Variants in TPRN observed in about 807,000 individuals in gnomAD.
TPRN encodes the protein taperin, also known as chromosome 9 open reading frame 75.
Under a neutral mutation model 42.6 loss-of-function variants are expected in TPRN, and 32 were observed. The ratio of observed to expected loss-of-function variants is 0.75; its 90% CI spans 0.57 to 1.01. TPRN has a LOEUF of 1.01. Ranked by LOEUF, TPRN falls within the 50% of genes least tolerant of loss-of-function variation. TPRN has a pLI of 0.00. For missense variants in TPRN, 1,095 were observed against 957.5 expected, an observed-to-expected ratio of 1.14 and a Z score of -1.90; for synonymous variants, 541 against 445.6, an observed-to-expected ratio of 1.21 and a Z score of -2.70.
intron 1 of TPRN, among the ~76,000 whole-genome samples, chr9:137,197,774 C>G (rs963008563): frequency 2.6e-5 from 4 of 152,072 alleles, no homozygotes; most frequent in Non-Finnish European, 4.4e-5. Flanking sequence ...GATGCTCGGG[C>G]GAGGGTCGGG....
chr9:137,193,386 G>C (rs1834656981), intron 1 of TPRN: 2 of 152,772 alleles, frequency 1.3e-5, no homozygotes. Context: ...CCCCAGCAGT[G>C]ACCCCTTCCT....
At position 137,199,559 on chromosome 9, in the gene TPRN, G is replaced by A; in HGVS notation, c.1153C>T (p.Pro385Ser). 2 of 1,559,112 alleles carry A rather than the reference G, an allele frequency of 1.3e-6. No individual in the cohort carries two copies. Among genetic ancestry groups the A allele is most frequent in the Non-Finnish European group, 1.7e-6 (2 of 1,152,106 alleles). The stretch of plus-strand genomic sequence containing the variant: ...GCCCACTGTGCCTCGACCTCCAGGG[G>A]GCTCTTCCCGAGGGCAGGCGCACCA... ...GDGAPALGKS[P>S]LEVEAQWAVE... Residue 385 changes from proline to serine, a missense_variant, in exon 1 of 4, where the codon CCC becomes TCC. Coordinates refer to ENST00000409012, the MANE Select transcript of TPRN (RefSeq NM_001128228.3).
At position 137,192,075 on chromosome 9, in the gene TPRN, A is replaced by G; in HGVS notation, c.*37T>C. ...CTACTGCCCAGCTTCCGGGACTCCC[A>G]CAGCTGGGCTCAGCCTTGGTCCTGG... On this transcript the variant is annotated 3_prime_UTR_variant, in exon 4 of 4. Transcript: ENST00000409012. 1 of 1,608,410 alleles carries G rather than the reference A, an allele frequency of 6.2e-7. No individual in the cohort carries two copies.
At chr9:137,197,675 G>A (rs1052171740) in intron 1 of TPRN, among the ~76,000 whole-genome samples, 2 of 152,220 alleles carry the variant, frequency 1.3e-5, no homozygotes, top group Admixed American at 1.3e-4. Context: ...CAGGGCCAAA[G>A]GTACAGACGC....
chr9:137,200,117 T>C lies in TPRN; in HGVS notation c.595A>G (p.Lys199Glu). The change falls in exon 1 of 4, where the codon AAG becomes GAG. Residue 199 changes from lysine (K) to glutamate (E), a missense_variant. By Grantham distance (56) the Lys-to-Glu change is moderately conservative. Transcript: ENST00000409012. This position sits in a 1 kb window ranked among gnomAD's most constrained non-coding sequence, Gnocchi z 4.3. ...ACGGTGAAGGAGTTGCTGCCGGTCT[T>C]CTGGAGGAAGTCGCTGCGCCGGGCC... ...PGARRSDFLQ[K>E]TGSNSFTVHP... The C allele has an allele frequency of 8.0e-7, 1 of 1,251,394 alleles. No individual in the cohort carries two copies. Among genetic ancestry groups the C allele is most frequent in the Non-Finnish European group, 1.0e-6 (1 of 999,290 alleles). 77.5% of individuals were successfully genotyped at this position (1,251,394 alleles called of 1,614,324 possible).
At position 137,200,263 on chromosome 9, in the gene TPRN, C is replaced by G. The variant is rs1166183978; in HGVS notation, c.449G>C (p.Gly150Ala). 1 of 976,970 alleles carries G rather than the reference C, an allele frequency of 1.0e-6. No homozygotes were observed. Among genetic ancestry groups the G allele is most frequent in the Non-Finnish European group, 1.2e-6 (1 of 826,864 alleles). The allele number at this position is 976,970 out of a possible 1,614,324, so 60.5% of individuals were successfully genotyped here. ...FDPPAAPRRRGSPERARPPPP... is the reference protein window; with the variant it reads ...FDPPAAPRRRASPERARPPPP... ...CGGGGGGCGGGCGCGCTCGGGGCTCCCGCGGCGGCGCGGCGCGGCGGGCGG... is the reference window on the plus strand; with the variant it reads ...CGGGGGGCGGGCGCGCTCGGGGCTCGCGCGGCGGCGCGGCGCGGCGGGCGG... Residue 150 changes from glycine to alanine, a missense_variant, in exon 1 of 4, where the codon GGG becomes GCG. Transcript: ENST00000409012. This position sits in a 1 kb window ranked among gnomAD's most constrained non-coding sequence, Gnocchi z 4.3.
rs139520402 is a variant in TPRN, at chr9:137,192,309, C to G, written c.2023G>C (p.Ala675Pro). 13 of 1,612,902 alleles carry G rather than the reference C, an allele frequency of 8.1e-6. No homozygotes were observed. Among genetic ancestry groups the G allele is most frequent in the Non-Finnish European group, 1.1e-5 (13 of 1,180,034 alleles). ...SVAFSKWQEQ[A>P]LEQAPREAEP... ...GCCTCCCTCGGGGCCTGCTCCAGCG[C>G]CTGCTCCTGCCACTTGCTGAAGGCC... The change falls in exon 3 of 4, where the codon GCG becomes CCG. Residue 675 changes from alanine (A) to proline (P), a missense_variant. Physicochemically the swap from Ala to Pro is conservative, Grantham distance 27. Coordinates refer to ENST00000409012, the MANE Select transcript of TPRN (RefSeq NM_001128228.3).
Position 137,191,686 on chromosome 9 carries a change from A to G in TPRN, c.*426T>C, listed in dbSNP as rs1292575260. On this transcript the variant is annotated 3_prime_UTR_variant, in exon 4 of 4. Transcript: ENST00000409012. ...AAAGACGCCACTCATCACAGAGGGCATGTGGGCTGCGGGCAGGGGCTTAGG... is the reference window on the plus strand; with the variant it reads ...AAAGACGCCACTCATCACAGAGGGCGTGTGGGCTGCGGGCAGGGGCTTAGG... 1.2e-5 allele frequency: 4 copies of G among 340,736 alleles called. No homozygotes were observed. The highest frequency in any genetic ancestry group is 4.9e-5 in the South Asian group (2 of 40,988). 21.1% of individuals were successfully genotyped at this position (340,736 alleles called of 1,614,324 possible). A position where few individuals can be genotyped will look rare whatever the true frequency, so the allele number is the denominator to read the frequency against.
In TPRN at chr9:137,200,176, G is replaced by A. The variant is rs1791610882; in HGVS notation, c.536C>T (p.Ala179Val). 9.2e-7 allele frequency: 1 copy of A among 1,091,268 alleles called. No individual in the cohort carries two copies. The highest frequency in any genetic ancestry group is 1.7e-5 in the African/African-American group (1 of 59,136). 67.6% of individuals were successfully genotyped at this position (1,091,268 alleles called of 1,614,324 possible). Residue 179 changes from alanine to valine, a missense_variant, in exon 1 of 4, where the codon GCG becomes GTG. Transcript: ENST00000409012. This position sits in a 1 kb window ranked among gnomAD's most constrained non-coding sequence, Gnocchi z 4.3. ...PPPAAPSPPA[A>V]PGPRGGGASP... ...CGCCCCGCCACCGCGGGGCCCGGGC[G>A]CGGCGGGCGGGCTGGGGGCCGCGGG...
Position 137,199,418 on chromosome 9 carries a change from GC to G in TPRN, c.1293del (p.Glu431AspfsTer19). ...CCAGGAACCCTGAGGCCCTCAGCAGGCTCAGCTTCTTCCGAAGCAGCCGGCA... is the reference window on the plus strand; with the variant it reads ...CCAGGAACCCTGAGGCCCTCAGCAGGTCAGCTTCTTCCGAAGCAGCCGGCA... ...PFLPAASEEA[E>X]PAEGLRVPGL... On this transcript the variant is annotated frameshift_variant, in exon 1 of 4. Transcript: ENST00000409012. LOFTEE classifies it high-confidence loss of function. 6.2e-7 allele frequency: 1 copy of G among 1,612,050 alleles called. No individual in the cohort carries two copies. Among genetic ancestry groups the G allele is most frequent in the Non-Finnish European group, 8.5e-7 (1 of 1,179,724 alleles).
At chr9:137,197,191 C>T (rs888720086) in intron 1 of TPRN, among the ~76,000 whole-genome samples, 13 of 152,290 alleles carry the variant, frequency 8.5e-5, no homozygotes, top group Non-Finnish European at 8.8e-5. Flanking sequence ...CTCCGCCTCC[C>T]GGGTTCAAGC....
intron 1 of TPRN, chr9:137,194,464 T>C (rs1834677062): frequency 6.6e-6 from 1 of 152,376 alleles, no homozygotes; most frequent in Non-Finnish European, 1.5e-5. Flanking sequence ...GCCCTGGATA[T>C]GTGGAGCTAA....
chr9:137,197,196 T>C (rs1346680904), intron 1 of TPRN, among the ~76,000 whole-genome samples: 3 of 152,178 alleles, frequency 2.0e-5, no homozygotes, highest in Non-Finnish European at 4.4e-5. Context: ...CCTCCCGGGT[T>C]CAAGCAATTC....
Position 137,192,521 on chromosome 9 carries a change from G to A in TPRN, c.1896C>T (p.Leu632=), listed in dbSNP as rs1834639498. ...GSGSEEKPFA[L]FLPRATFVSS... ...TCACAAACGTGGCCCGGGGCAGGAAGAGTGCAAAGGGCTTCTCCTCTGAGC... is the reference window on the plus strand; with the variant it reads ...TCACAAACGTGGCCCGGGGCAGGAAAAGTGCAAAGGGCTTCTCCTCTGAGC... The change falls in exon 2 of 4, where the codon CTC becomes CTT. Residue 632 remains leucine, a synonymous_variant. Transcript: ENST00000409012. 1 of 1,607,346 alleles carries A rather than the reference G, an allele frequency of 6.2e-7. No individual in the cohort carries two copies. The highest frequency in any genetic ancestry group is 8.5e-7 in the Non-Finnish European group (1 of 1,177,148).
Position 137,191,989 on chromosome 9 carries a change from G to T in TPRN, c.*123C>A. 8.0e-7 allele frequency: 1 copy of T among 1,246,250 alleles called. No homozygotes were observed. Among genetic ancestry groups the T allele is most frequent in the Non-Finnish European group, 1.1e-6 (1 of 880,994 alleles). 77.2% of individuals were successfully genotyped at this position (1,246,250 alleles called of 1,614,324 possible). A position where few individuals can be genotyped will look rare whatever the true frequency, so the allele number is the denominator to read the frequency against. ...GGCACCCTAGCTGCTTCCAGGGCCA[G>T]GAGGGGTGGGTGGGATACAGTGAGG... On this transcript the variant is annotated 3_prime_UTR_variant, in exon 4 of 4. Transcript: ENST00000409012.
chr9:137,199,640 G>T lies in TPRN; in HGVS notation c.1072C>A (p.Leu358Met). Residue 358 changes from leucine (L) to methionine (M), a missense_variant, in exon 1 of 4, where the codon CTG (leucine) becomes ATG (methionine). Leu to Met is a conservative substitution (Grantham distance 15). Coordinates refer to ENST00000409012, the MANE Select transcript of TPRN (RefSeq NM_001128228.3). ...TCCTGGCTCGGGGAGGCCGGGCCCA[G>T]GTCTCCCTTTGGCAGCTCCACGGAC... Reference protein sequence around the residue: ...RQSVELPKGDLGPASPSQELG... With the variant: ...RQSVELPKGDMGPASPSQELG... 6.4e-7 allele frequency: 1 copy of T among 1,570,956 alleles called. No individual in the cohort carries two copies. The highest frequency in any genetic ancestry group is 8.6e-7 in the Non-Finnish European group (1 of 1,158,796).
Position 137,200,632 on chromosome 9 carries a change from C to G in TPRN, c.80G>C (p.Arg27Pro), listed in dbSNP as rs1217056129. The G allele has an allele frequency of 8.4e-7, 1 of 1,192,810 alleles. No homozygotes were observed. The highest frequency in any genetic ancestry group is 1.6e-5 in the African/African-American group (1 of 61,582). The allele number at this position is 1,192,810 out of a possible 1,614,324, so 73.9% of individuals were successfully genotyped here. A position where few individuals can be genotyped will look rare whatever the true frequency, so the allele number is the denominator to read the frequency against. ...CCCGCCCAGCGCGGCTAGCTTGGCC[C>G]GCTTCCGCTCCAGGATCTCACGCTT... ...AWKREILERK[R>P]AKLAALGGGA... is the part of the protein sequence containing the mutation. Residue 27 changes from arginine (R) to proline (P), a missense_variant, in exon 1 of 4, where the codon CGG becomes CCG. By Grantham distance (103) the Arg-to-Pro change is moderately radical. Transcript: ENST00000409012. The surrounding 1 kb of genome is among the most constrained non-coding windows in gnomAD (Gnocchi z 4.3).
At chr9:137,194,102 C>G (rs1834672461) in intron 1 of TPRN, 1 of 152,460 alleles carries the variant, frequency 6.6e-6, no homozygotes, top group Non-Finnish European at 1.5e-5. Context: ...ACCCCTACCC[C>G]AGGCCCCGGC....
chr9:137,193,193 C>G (rs1834653086), intron 1 of TPRN: 1 of 175,420 alleles, frequency 5.7e-6, no homozygotes, highest in Admixed American at 5.4e-5. Context: ...AGTTCATGTC[C>G]TGGCTTACTG....
Sources: allele counts gnomAD v4.1 joint callset (sites outside exome capture counted in the v4.1 genomes callset), GRCh38; gene constraint gnomAD v4.1.1; non-coding constraint Gnocchi (gnomAD v3.1); transcripts MANE v1.5; gene names NCBI Gene and HGNC (gene_info 2026-07-23, HGNC 2026-07-21).